Variants in CTNND2 observed in about 807,000 individuals in gnomAD.
CTNND2 encodes the protein catenin delta 2, also known as catenin delta-2.
A neutral mutation model predicts 144.4 loss-of-function variants in CTNND2; 22 were observed. The ratio of observed to expected loss-of-function variants is 0.15; its 90% CI spans 0.11 to 0.22. CTNND2 has a LOEUF of 0.22. Ranked by LOEUF, CTNND2 falls within the 10% of genes least tolerant of loss-of-function variation. The pLI is 1.00. For missense variants in CTNND2, 1,353 were observed against 1,618.8 expected (o/e 0.84, Z 2.82); for synonymous variants, 751 against 695.6 (o/e 1.08, Z -1.25).
intron 2 of CTNND2, among the ~76,000 whole-genome samples, chr5:11,675,625 G>A (rs145503505): frequency 2.0e-3 from 298 of 152,094 alleles, no homozygotes; most frequent in African/African-American, 6.8e-3. Flanking sequence ...ACCCAGAAGA[G>A]ATTTTAATGT....
intron 3 of CTNND2, among the ~76,000 whole-genome samples, chr5:11,527,424 C>T (rs1409043256): frequency 6.6e-6 from 1 of 152,142 alleles, no homozygotes. Context: ...CACTGCATCC[C>T]GCACAAGGCC....
At chr5:11,742,252 C>T (rs1348733452) in intron 1 of CTNND2, among the ~76,000 whole-genome samples, 6 of 152,212 alleles carry the variant, frequency 3.9e-5, no homozygotes, top group East Asian at 3.9e-4. Context: ...TCTTGTTTCC[C>T]GTCCTGTTCC....
In CTNND2 at chr5:11,258,023, G is replaced by A. The variant is rs545302778; in HGVS notation, c.1629-21200C>T. Among the ~76,000 whole-genome samples, 5 of 152,314 alleles carry A rather than the reference G, an allele frequency of 3.3e-5. No individual in the cohort carries two copies. In the South Asian group the frequency reaches 6.2e-4, roughly 19 times the overall value. On this transcript the variant is annotated intron_variant, in intron 9 of 21. Transcript: ENST00000304623. Reference sequence around the variant, plus strand: ...CATTGTACTCCTGGGGGAGAATAATGCTCTTCAACTGATCTGGTGTCTCAG... The same window carrying A: ...CATTGTACTCCTGGGGGAGAATAATACTCTTCAACTGATCTGGTGTCTCAG...
At chr5:11,701,905 G>A (rs3891746) in intron 2 of CTNND2, among the ~76,000 whole-genome samples, 11,500 of 152,160 alleles carry the variant, frequency 0.076, 794 homozygotes, top group African/African-American at 0.19. Flanking sequence ...CGAGTCAACG[G>A]AAGTTTAAAG....
intron 2 of CTNND2, among the ~76,000 whole-genome samples, chr5:11,655,019 A>G (rs193268677): frequency 1.3e-5 from 2 of 152,168 alleles, no homozygotes; most frequent in Admixed American, 6.6e-5. Flanking sequence ...TGGTTTATGT[A>G]TATTATCTTG....
At chr5:11,052,212 T>C (rs1303441123) in intron 16 of CTNND2, among the ~76,000 whole-genome samples, 1 of 152,190 alleles carries the variant, frequency 6.6e-6, no homozygotes, top group East Asian at 1.9e-4. Flanking sequence ...CTTCTCAATA[T>C]CATCTGGCTT....
At chr5:11,244,299 T>TTC (rs1348896908) in intron 9 of CTNND2, among the ~76,000 whole-genome samples, 2 of 148,980 alleles carry the variant, frequency 1.3e-5, no homozygotes, top group African/African-American at 5.0e-5. Context: ...TTTTTTTTTT[T>TTC]TTTTTGAGAC....
At chr5:11,082,472 G>T (rs1749676972) in intron 16 of CTNND2, among the ~76,000 whole-genome samples, 2 of 152,198 alleles carry the variant, frequency 1.3e-5, no homozygotes, top group South Asian at 2.1e-4. Flanking sequence ...TTTTTAATTT[G>T]CAAGGATTAG....
At chr5:11,416,217 T>C (rs1411748676) in intron 3 of CTNND2, among the ~76,000 whole-genome samples, 1 of 152,214 alleles carries the variant, frequency 6.6e-6, no homozygotes, top group Non-Finnish European at 1.5e-5. Flanking sequence ...CGTCATGCTA[T>C]TAGATATTTA....
chr5:11,135,020 GCAAT>G (rs1191434305), intron 12 of CTNND2, among the ~76,000 whole-genome samples: 1 of 152,218 alleles, frequency 6.6e-6, no homozygotes, highest in Non-Finnish European at 1.5e-5. Context: ...GCTAAGTGCT[GCAAT>G]CAAAGGACTT....
At chr5:11,693,591 A>G (rs1315656797) in intron 2 of CTNND2, among the ~76,000 whole-genome samples, 1 of 152,240 alleles carries the variant, frequency 6.6e-6, no homozygotes, top group East Asian at 1.9e-4. Context: ...ACAAATCTTC[A>G]ATGCAATGGA....
intron 18 of CTNND2, among the ~76,000 whole-genome samples, chr5:11,005,865 A>G (rs1361252339): frequency 6.6e-6 from 1 of 152,192 alleles, no homozygotes; most frequent in Non-Finnish European, 1.5e-5. Context: ...TGCATTTAAA[A>G]ACCATGGGAG....
chr5:11,867,872 G>A (rs73743298), intron 1 of CTNND2, among the ~76,000 whole-genome samples: 108 of 151,212 alleles, frequency 7.1e-4, no homozygotes, highest in African/African-American at 2.6e-3. Context: ...ATGAAAAACA[G>A]AAACAGTGTA....
In CTNND2 at chr5:11,253,103, G is replaced by A. The variant is rs117179177; in HGVS notation, c.1629-16280C>T. 3.9e-4 allele frequency among the ~76,000 whole-genome samples: 60 copies of A among 152,276 alleles called. 1 individual carries two copies. The East Asian group carries it at 9.1e-3, about 23-fold the overall frequency. On this transcript the variant is annotated intron_variant, in intron 9 of 21. Transcript: ENST00000304623. ...GGGCCCAGGGTCAGGAGATGGAACAGAGAATAAAAGGTCATACCTGAAGAA... is the reference window on the plus strand; with the variant it reads ...GGGCCCAGGGTCAGGAGATGGAACAAAGAATAAAAGGTCATACCTGAAGAA...
chr5:11,084,783 T>C (rs1467300940), intron 15 of CTNND2, among the ~76,000 whole-genome samples: 1 of 152,168 alleles, frequency 6.6e-6, no homozygotes, highest in Non-Finnish European at 1.5e-5. Flanking sequence ...GGTCAGCATT[T>C]TTATTTTATA....
At chr5:11,239,490 C>G (rs890254278) in intron 9 of CTNND2, among the ~76,000 whole-genome samples, 3 of 152,224 alleles carry the variant, frequency 2.0e-5, no homozygotes. Flanking sequence ...CTCTGCTGAT[C>G]TGCAAATCTC....
intron 9 of CTNND2, among the ~76,000 whole-genome samples, chr5:11,330,353 G>A (rs375455790): frequency 2.7e-5 from 4 of 149,556 alleles, no homozygotes; most frequent in African/African-American, 7.4e-5. Context: ...GCGTGGTGGC[G>A]GGCACCTGTA....
chr5:11,600,836 G>A (rs188873210), intron 2 of CTNND2, among the ~76,000 whole-genome samples: 17 of 152,174 alleles, frequency 1.1e-4, no homozygotes, highest in African/African-American at 3.9e-4. Flanking sequence ...AAATCAGAAG[G>A]TAATGAGAGC....
chr5:11,049,292 A>T (rs1051569257), intron 16 of CTNND2, among the ~76,000 whole-genome samples: 1 of 152,134 alleles, frequency 6.6e-6, no homozygotes, highest in African/African-American at 2.4e-5. Context: ...CTTTTGTGTG[A>T]TTAGAGGGGA....
Sources: gnomAD v4.1 joint callset for allele counts (sites outside exome capture counted in the v4.1 genomes callset) on GRCh38, gnomAD v4.1.1 for gene constraint, MANE v1.5 for transcripts, NCBI Gene and HGNC (gene_info 2026-07-23, HGNC 2026-07-21) for gene names.